SULF1: variants seen among roughly 807,000 people sequenced by gnomAD.
The protein encoded by SULF1 is sulfatase 1.
In SULF1, 46 loss-of-function variants were observed where a neutral mutation model predicts 110.5. The ratio of observed to expected loss-of-function variants is 0.42; its 90% confidence interval spans 0.33 to 0.53. SULF1 has a LOEUF of 0.53. SULF1 is among the 20% of genes least tolerant of loss of function. The pLI, the probability that SULF1 is intolerant of heterozygous loss-of-function variation, is 0.12. For synonymous variants in SULF1, 371 were observed against 387.1 expected, an observed-to-expected ratio of 0.96 and a Z score of 0.49; for missense variants, 941 against 1,094.2, an observed-to-expected ratio of 0.86 and a Z score of 1.98.
rs1308166531 is a variant in SULF1 at position 69,638,505 on chromosome 8, G to A, written c.2288G>A (p.Gly763Glu). ...GTTTTTCTTTTTTACCCAACAGTGG[G>A]ATCTTTCTGTGCTTGCACGAGTTCT... Reference protein sequence around the residue: ...HWQTAPFWNLGSFCACTSSNN... With the variant: ...HWQTAPFWNLESFCACTSSNN... The change falls in exon 20 of 23, where the codon GGA becomes GAA. Residue 763 changes from glycine to glutamate, a missense_variant. Gly to Glu is a moderately conservative substitution (Grantham distance 98). Transcript: ENST00000402687. The A allele has an allele frequency of 3.7e-6, 6 of 1,611,124 alleles. No homozygotes were observed. In the Admixed American group the frequency reaches 5.1e-5, roughly 14 times the overall value.
At chr8:69,577,869 T>C (rs1298389063) in intron 6 of SULF1, among the ~76,000 whole-genome samples, 3 of 152,164 alleles carry the variant, frequency 2.0e-5, no homozygotes, top group African/African-American at 4.8e-5. Flanking sequence ...CTTTCCTCTG[T>C]TCATTGTCTT....
chr8:69,510,945 TACACAC>T (rs56386460), intron 3 of SULF1, among the ~76,000 whole-genome samples: 13,929 of 140,904 alleles, frequency 0.099, 954 homozygotes, highest in African/African-American at 0.2. Context: ...ATATCATCAT[TACACAC>T]ACACACACAC....
intron 5 of SULF1, among the ~76,000 whole-genome samples, chr8:69,568,541 A>C (rs1804972269): frequency 2.0e-5 from 3 of 152,338 alleles, no homozygotes; most frequent in African/African-American, 7.2e-5. Flanking sequence ...ATTGTGAATG[A>C]ATATTGCCAT....
chr8:69,480,606 T>C (rs1049134930), intron 1 of SULF1, among the ~76,000 whole-genome samples: 4 of 152,196 alleles, frequency 2.6e-5, no homozygotes, highest in African/African-American at 9.6e-5. Flanking sequence ...TGCATCTATA[T>C]AATTTGCATT....
rs934350849 is a variant in SULF1 at position 69,627,843 on chromosome 8, G to C, written c.2019G>C (p.Glu673Asp). Reference protein sequence around the residue: ...VRGHLKRRKPEECSCSKQSYY... With the variant: ...VRGHLKRRKPDECSCSKQSYY... Reference sequence around the variant, plus strand: ...GACATCTGAAGAGAAGGAAGCCTGAGGAATGTAGCTGCAGTAAACAAAGGT... The same window carrying C: ...GACATCTGAAGAGAAGGAAGCCTGACGAATGTAGCTGCAGTAAACAAAGGT... The change falls in exon 17 of 23, where the codon GAG becomes GAC. Residue 673 changes from glutamate (E) to aspartate (D), a missense_variant. Physicochemically the swap from Glu to Asp is conservative, Grantham distance 45 (BLOSUM62 2). Around this residue, in one of 3 missense-constraint regions of SULF1, gnomAD observed 822 missense variants for 934.3 expected, o/e 0.88. Coordinates refer to ENST00000402687, the MANE Select transcript of SULF1 (RefSeq NM_001128205.2). 4 of 1,613,262 alleles carry C rather than the reference G, an allele frequency of 2.5e-6. No homozygotes were observed. Among genetic ancestry groups the C allele is most frequent in the Admixed American group, 3.3e-5 (2 of 59,890 alleles).
chr8:69,644,509 G>T (rs2130703204), intron 22 of SULF1, among the ~76,000 whole-genome samples: 1 of 152,184 alleles, frequency 6.6e-6, no homozygotes, highest in Non-Finnish European at 1.5e-5. Flanking sequence ...AGGCAACCAA[G>T]AATTGATCAC....
chr8:69,639,443 G>A (rs1183850354), intron 21 of SULF1, among the ~76,000 whole-genome samples: 4 of 152,230 alleles, frequency 2.6e-5, no homozygotes, highest in East Asian at 1.9e-4. Flanking sequence ...TCCCAGCTAT[G>A]TGTGTTAAAC....
rs143231785 is a variant in SULF1 at position 69,647,749 on chromosome 8, G to A, written c.2585+6908G>A. ...CTCTACTAAAAATACAAAATTACCC[G>A]GACGTGGTGGTGCATGCCTGTAATC... On this transcript the variant is annotated intron_variant, in intron 22 of 22. Coordinates refer to ENST00000402687, the MANE Select transcript of SULF1 (RefSeq NM_001128205.2). Among the ~76,000 whole-genome samples, 17 of 151,876 alleles carry A rather than the reference G, an allele frequency of 1.1e-4. No individual in the cohort carries two copies. In the East Asian group the frequency reaches 2.0e-3, roughly 18 times the overall value.
intron 22 of SULF1, among the ~76,000 whole-genome samples, chr8:69,646,448 C>A (rs569774515): frequency 6.8e-6 from 1 of 146,206 alleles, no homozygotes. Flanking sequence ...TTTTTTAAGA[C>A]GGAGTCTCAC....
chr8:69,653,096 G>T (rs1426515938), intron 22 of SULF1, among the ~76,000 whole-genome samples: 1 of 151,896 alleles, frequency 6.6e-6, no homozygotes, highest in East Asian at 1.9e-4. Flanking sequence ...TTTTAAGATG[G>T]GGTTTCCGTC....
At chr8:69,489,571 C>CTTTTTTTTTTTTT (rs61391745), upstream of SULF1, among the ~76,000 whole-genome samples, 1 of 91,958 alleles carries the variant, frequency 1.1e-5, no homozygotes, top group Non-Finnish European at 2.0e-5. Context: ...CTTTCTTTCT[C>CTTTTTTTTTTTTT]TTTTTTTTTT....
At chr8:69,541,283 C>G (rs762983052) in intron 3 of SULF1, among the ~76,000 whole-genome samples, 3 of 152,176 alleles carry the variant, frequency 2.0e-5, no homozygotes, top group Non-Finnish European at 4.4e-5. Context: ...GGAGGACACC[C>G]CAACTAGTCT....
chr8:69,561,861 C>T (rs1421140194), intron 3 of SULF1, among the ~76,000 whole-genome samples: 2 of 152,236 alleles, frequency 1.3e-5, no homozygotes, highest in African/African-American at 4.8e-5. Context: ...TTTCCTGTCC[C>T]TTCATGCCTG....
rs191197008 is a variant in SULF1 at position 69,626,649 on chromosome 8, G to A, written c.1851-561G>A. ...CCCTGCGGGAAGGCAGCTAAGGCCC[G>A]GTGAGAAATCGAGCGCAGCGCCGGT... On this transcript the variant is annotated intron_variant, in intron 15 of 22. Transcript: ENST00000402687. Among the ~76,000 whole-genome samples the A allele has an allele frequency of 2.6e-3, 401 of 152,356 alleles. 3 individuals carry two copies. The highest frequency in any genetic ancestry group is 8.4e-3 in the African/African-American group (348 of 41,582).
chr8:69,541,046 G>A (rs1196017937), intron 3 of SULF1, among the ~76,000 whole-genome samples: 1 of 152,072 alleles, frequency 6.6e-6, no homozygotes, highest in Non-Finnish European at 1.5e-5. Context: ...CAGAAATTTA[G>A]GAAAAGGGAA....
chr8:69,496,564 A>T (rs1391771112), intron 2 of SULF1, among the ~76,000 whole-genome samples: 1 of 152,248 alleles, frequency 6.6e-6, no homozygotes, highest in African/African-American at 2.4e-5. Context: ...TGACTGCATC[A>T]TGGGAAAGTT....
intron 22 of SULF1, among the ~76,000 whole-genome samples, chr8:69,648,604 A>T (rs767593714): frequency 1.3e-5 from 2 of 152,188 alleles, no homozygotes; most frequent in Non-Finnish European, 2.9e-5. Flanking sequence ...GAGGAAGGAG[A>T]GAGCCTGGTA....
intron 22 of SULF1, among the ~76,000 whole-genome samples, chr8:69,651,051 C>CTTTTTTTTTTTT (rs111556401): frequency 5.2e-5 from 7 of 134,160 alleles, no homozygotes; most frequent in Non-Finnish European, 9.8e-5. Flanking sequence ...TCTTTTTTTT[C>CTTTTTTTTTTTT]TTTTCTTTTT....
chr8:69,577,422 G>A (rs771641533), intron 6 of SULF1, among the ~76,000 whole-genome samples: 7 of 152,126 alleles, frequency 4.6e-5, no homozygotes, highest in East Asian at 1.9e-4. Context: ...AATCAGAGGC[G>A]GTTCCCTAAT....
Sources: allele counts gnomAD v4.1 joint callset (sites outside exome capture counted in the v4.1 genomes callset), GRCh38; gene constraint gnomAD v4.1.1; regional missense constraint gnomAD v4.1.1; transcripts MANE v1.5; gene names NCBI Gene and HGNC (gene_info 2026-07-23, HGNC 2026-07-21).